DDOST: variants seen among roughly 807,000 people sequenced by gnomAD.
DDOST encodes dolichyl-diphosphooligosaccharide--protein glycosyltransferase non-catalytic subunit.
DDOST carries 25 observed loss-of-function variants against 47.6 expected under a neutral mutation model. The observed-to-expected ratio is 0.53, with a 90% confidence interval of 0.38 to 0.73. The LOEUF (loss-of-function observed/expected upper bound fraction) is 0.73, where lower values mean the gene tolerates loss of function less well. Ranked by LOEUF, DDOST falls within the 30% of genes least tolerant of loss-of-function variation. The pLI is 0.00. For synonymous variants in DDOST, 275 were observed against 236.0 expected, an observed-to-expected ratio of 1.17 and a Z score of -1.51; for missense variants, 526 against 573.9, an observed-to-expected ratio of 0.92 and a Z score of 0.85.
intron 1 of DDOST, 100 bp downstream of exon 1, chr1:20,661,097 C>T (rs1557574833): frequency 2.7e-6 from 4 of 1,503,252 alleles, no homozygotes; most frequent in Non-Finnish European, 3.7e-6. Context: ...ACCCGGGCGG[C>T]CTGCTCCAGG....
intron 2 of DDOST, among the ~76,000 whole-genome samples, chr1:20,656,429 A>G (rs988432347): frequency 2.0e-5 from 3 of 152,246 alleles, no homozygotes; most frequent in Non-Finnish European, 4.4e-5. Context: ...TTTGGAGGAA[A>G]CAGTCAAACA....
At chr1:20,656,384 C>G (rs973957984) in intron 2 of DDOST, among the ~76,000 whole-genome samples, 197 bp from the exon 3 acceptor site, 6 of 152,216 alleles carry the variant, frequency 3.9e-5, no homozygotes, top group Non-Finnish European at 5.9e-5. Flanking sequence ...CGTGAAGACT[C>G]AAAATTATGG....
chr1:20,653,107 C>A, intron 8 of DDOST, 136 bp from the exon 9 acceptor site: 2 of 1,029,564 alleles, frequency 1.9e-6, no homozygotes, highest in Non-Finnish European at 1.4e-6. Flanking sequence ...TGCAGATGCC[C>A]CTGCCACCCG....
rs375827914 is a variant in DDOST, at chr1:20,654,506, G to C, written c.645+108C>G. 1.4e-5 allele frequency: 19 copies of C among 1,370,428 alleles called. 1 individual carries two copies. The African/African-American group carries it at 2.7e-4, about 20-fold the overall frequency. 84.9% of individuals were successfully genotyped at this position (1,370,428 alleles called of 1,614,324 possible). A position where few individuals can be genotyped will look rare whatever the true frequency, so the allele number is the denominator to read the frequency against. On this transcript the variant is annotated intron_variant, in intron 6 of 10. Transcript: ENST00000602624. Reference sequence around the variant, plus strand: ...TGAAGGGGGAGCCTGAGACCACACCGCTTCTGCCCATGCCCCACCCCACCA... The same window carrying C: ...TGAAGGGGGAGCCTGAGACCACACCCCTTCTGCCCATGCCCCACCCCACCA...
chr1:20,659,044 G>A (rs2053407466), intron 2 of DDOST, among the ~76,000 whole-genome samples: 1 of 151,546 alleles, frequency 6.6e-6, no homozygotes, highest in Admixed American at 6.6e-5. Flanking sequence ...TTTTTGTAGA[G>A]ATGAGGTCTC....
chr1:20,661,049 G>T, intron 1 of DDOST, 58 bp from the exon 2 acceptor site: 1 of 1,492,392 alleles, frequency 6.7e-7, no homozygotes, highest in Non-Finnish European at 9.3e-7. Flanking sequence ...AACCCCTGCT[G>T]CAGACATCGC....
chr1:20,655,222 G>T (rs2053358536), intron 5 of DDOST, among the ~76,000 whole-genome samples: 1 of 146,636 alleles, frequency 6.8e-6, no homozygotes, highest in African/African-American at 2.5e-5. Flanking sequence ...TGTTGCCCAG[G>T]CTGCTCTCAA....
At position 20,651,825 on chromosome 1, in the gene DDOST, ATTTATTT is replaced by A. The variant is rs1252438506; in HGVS notation, c.*547_*553del. On this transcript the variant is annotated 3_prime_UTR_variant, in exon 11 of 11. Transcript: ENST00000602624. Reference sequence around the variant, plus strand: ...TTTTTATTTATTTATTTATTTATTTATTTATTTATTTATATTTGAGACAGAGTCTTAA... The same window carrying A: ...TTTTTATTTATTTATTTATTTATTTAATTTATATTTGAGACAGAGTCTTAA... The A allele has an allele frequency of 6.7e-6, 1 of 149,242 alleles. No homozygotes were observed. The highest frequency in any genetic ancestry group is 1.5e-5 in the Non-Finnish European group (1 of 67,322). The allele number at this position is 149,242 out of a possible 1,614,324, so 9.2% of individuals were successfully genotyped here. A position where few individuals can be genotyped will look rare whatever the true frequency, so the allele number is the denominator to read the frequency against.
chr1:20,654,138 GCCT>G, intron 7 of DDOST, 82 bp downstream of exon 7: 1 of 1,456,018 alleles, frequency 6.9e-7, no homozygotes, highest in Non-Finnish European at 9.3e-7. Flanking sequence ...TTAGCTAAAA[GCCT>G]CCTTCTTCCC....
chr1:20,654,625 G>A lies in DDOST; in HGVS notation c.634C>T (p.Pro212Ser). Residue 212 changes from proline to serine, a missense_variant, in exon 6 of 11, where the codon CCT (proline) becomes TCT (serine). Physicochemically the swap from Pro to Ser is moderately conservative, Grantham distance 74. Coordinates refer to ENST00000602624, the MANE Select transcript of DDOST (RefSeq NM_005216.5). Reference sequence around the variant, plus strand: ...TGTGAAGCCCTTACCTGGGTGATAGGCTTGTCCGGGAAGAAGGAGTAAGAG... The same window carrying A: ...TGTGAAGCCCTTACCTGGGTGATAGACTTGTCCGGGAAGAAGGAGTAAGAG... The part of the protein sequence containing the change: ...STSYSFFPDK[P>S]ITQYPHAVGK... 2 of 1,562,478 alleles carry A rather than the reference G, an allele frequency of 1.3e-6. No homozygotes were observed. The highest frequency in any genetic ancestry group is 1.7e-6 in the Non-Finnish European group (2 of 1,151,984).
chr1:20,656,067 T>A, intron 3 of DDOST, 34 bp downstream of exon 3: 1 of 1,565,210 alleles, frequency 6.4e-7, no homozygotes, highest in Non-Finnish European at 8.8e-7. Context: ...CCTGGAGAAG[T>A]GGAAAGCACC....
In DDOST at chr1:20,655,529, C is replaced by T. The variant is rs975020316; in HGVS notation, c.462G>A (p.Thr154=). The part of the protein sequence containing the change: ...NYDISDLGQH[T]LIVADTENLL... ...GGTTCTCAGTGTCAGCCACGATGAG[C>T]GTATGCTGCAAAGAGTAGATGGAAA... is the stretch of plus-strand genomic sequence containing the variant. The change falls in exon 5 of 11, where the codon ACG becomes ACA. Residue 154 remains threonine, a synonymous_variant. Transcript: ENST00000602624. 58 of 1,613,682 alleles carry T rather than the reference C, an allele frequency of 3.6e-5. No homozygotes were observed. Among genetic ancestry groups the T allele is most frequent in the Non-Finnish European group, 4.5e-5 (53 of 1,179,802 alleles).
At chr1:20,653,580 T>A in intron 8 of DDOST, 47 bp downstream of exon 8, 1 of 1,528,970 alleles carries the variant, frequency 6.5e-7, no homozygotes, top group Non-Finnish European at 8.8e-7. Context: ...CTGAGCTCAG[T>A]CAGCTTGGCA....
chr1:20,658,651 TCTC>T (rs1276298028), intron 2 of DDOST, among the ~76,000 whole-genome samples: 1 of 152,250 alleles, frequency 6.6e-6, no homozygotes, highest in Non-Finnish European at 1.5e-5. Flanking sequence ...TGCTTGCTAA[TCTC>T]CTTTTTCAAG....
intron 5 of DDOST, among the ~76,000 whole-genome samples, chr1:20,655,056 C>T (rs2053353120): frequency 1.3e-5 from 2 of 152,046 alleles, no homozygotes; most frequent in South Asian, 4.1e-4. Flanking sequence ...GACGGGGTTT[C>T]ACCATGTTGG....
At chr1:20,658,815 G>GT (rs1329456909) in intron 2 of DDOST, among the ~76,000 whole-genome samples, 2 of 144,196 alleles carry the variant, frequency 1.4e-5, no homozygotes, top group Non-Finnish European at 3.1e-5. Flanking sequence ...GCTCGCTATT[G>GT]TTTCCCTTTT....
Position 20,661,143 on chromosome 1 carries a change from A to T in DDOST, c.154+54T>A, listed in dbSNP as rs577577693. The T allele has an allele frequency of 7.7e-5, 121 of 1,580,752 alleles. No individual in the cohort carries two copies. In the African/African-American group the frequency reaches 1.6e-3, roughly 21 times the overall value. Reference sequence around the variant, plus strand: ...GGAAGGAGAGTGGTCAATGCCCTCGATGCTGTACCAACCCCAGGCCCCCAC... The same window carrying T: ...GGAAGGAGAGTGGTCAATGCCCTCGTTGCTGTACCAACCCCAGGCCCCCAC... On this transcript the variant is annotated intron_variant, in intron 1 of 10. Transcript: ENST00000602624.
intron 3 of DDOST, 106 bp downstream of exon 3, chr1:20,655,995 C>T: frequency 4.9e-6 from 5 of 1,013,410 alleles, no homozygotes; most frequent in Non-Finnish European, 7.7e-6. Flanking sequence ...ACTGACTCCC[C>T]AGCTAAGGCC....
At position 20,657,819 on chromosome 1, in the gene DDOST, A is replaced by G. The variant is rs539774251; in HGVS notation, c.266-1632T>C. Among the ~76,000 whole-genome samples the G allele has an allele frequency of 5.3e-5, 8 of 152,286 alleles. No homozygotes were observed. In the South Asian group the frequency reaches 1.7e-3, roughly 32 times the overall value. Reference sequence around the variant, plus strand: ...TCATGCTACATTCAAAAAGCCATCTATCTACTCTCCTTTGGAGAGGCCAGG... The same window carrying G: ...TCATGCTACATTCAAAAAGCCATCTGTCTACTCTCCTTTGGAGAGGCCAGG... On this transcript the variant is annotated intron_variant, in intron 2 of 10. Transcript: ENST00000602624.
Sources: allele counts gnomAD v4.1 joint callset (sites outside exome capture counted in the v4.1 genomes callset), GRCh38; gene constraint gnomAD v4.1.1; transcripts MANE v1.5; gene names NCBI Gene and HGNC (gene_info 2026-07-23, HGNC 2026-07-21).